The following AXDND1 variants were observed in gnomAD, a reference collection of about 807,000 sequenced individuals.
The protein encoded by AXDND1 is axonemal dynein light chain domain-containing protein 1.
In AXDND1, 110 loss-of-function variants were observed where a neutral mutation model predicts 137.5. That is an observed-to-expected ratio of 0.80 (90% CI 0.69 to 0.94). The LOEUF (loss-of-function observed/expected upper bound fraction) is 0.94, where lower values mean the gene tolerates loss of function less well. AXDND1 is among the 40% of genes least tolerant of loss of function. The pLI is 0.00. For synonymous variants in AXDND1, 414 were observed against 399.7 expected (o/e 1.04, Z -0.43); for missense variants, 1,191 against 1,169.8 (o/e 1.02, Z -0.26).
At chr1:179,413,266 TCAGGGG>T (rs1654170050) in intron 12 of AXDND1, among the ~76,000 whole-genome samples, 1 of 152,172 alleles carries the variant, frequency 6.6e-6, no homozygotes, top group African/African-American at 2.4e-5. Context: ...TATTTTAGAT[TCAGGGG>T]TACGTGTGCA....
At chr1:179,469,893 T>A (rs1663706207) in intron 17 of AXDND1, among the ~76,000 whole-genome samples, 2 of 152,216 alleles carry the variant, frequency 1.3e-5, no homozygotes, top group Admixed American at 1.3e-4. Context: ...AAGAATTCTT[T>A]GCCAAATCCA....
At chr1:179,433,948 A>C (rs1046446745) in intron 15 of AXDND1, among the ~76,000 whole-genome samples, 2 of 136,224 alleles carry the variant, frequency 1.5e-5, no homozygotes, top group African/African-American at 2.8e-5. Context: ...TAATATTGAC[A>C]GTGGGGTGTT....
intron 25 of AXDND1, chr1:179,545,916 G>C (rs970433658): frequency 1.3e-5 from 2 of 152,166 alleles, no homozygotes; most frequent in Non-Finnish European, 2.9e-5. Flanking sequence ...CATGAAAAAA[G>C]ATAATGTATT....
chr1:179,493,682 G>A (rs141377963), intron 20 of AXDND1, among the ~76,000 whole-genome samples: 240 of 152,212 alleles, frequency 1.6e-3, no homozygotes, highest in African/African-American at 5.5e-3. Context: ...ACAATAATTC[G>A]CTGTATATTT....
intron 12 of AXDND1, among the ~76,000 whole-genome samples, chr1:179,428,252 G>A (rs1656864340): frequency 6.6e-6 from 1 of 152,192 alleles, no homozygotes; most frequent in South Asian, 2.1e-4. Context: ...GAAAAAAGAA[G>A]AAAAGTGAGA....
At chr1:179,473,954 T>G (rs1376647276) in intron 17 of AXDND1, among the ~76,000 whole-genome samples, 2 of 152,200 alleles carry the variant, frequency 1.3e-5, no homozygotes. Context: ...CTGGGTGTGG[T>G]GGCTCACACC....
chr1:179,459,887 T>G (rs1376513574), intron 16 of AXDND1, among the ~76,000 whole-genome samples: 2 of 141,386 alleles, frequency 1.4e-5, no homozygotes, highest in Non-Finnish European at 3.0e-5. Flanking sequence ...CTTTTCTCTT[T>G]TCTTTTCTTT....
chr1:179,450,677 A>G (rs1285174570), intron 16 of AXDND1: 3 of 152,278 alleles, frequency 2.0e-5, no homozygotes, highest in African/African-American at 7.2e-5. Flanking sequence ...GATCAATCCT[A>G]CTTCGGGCTG....
At chr1:179,382,278 ATCAT>A (rs1487138581) in intron 6 of AXDND1, among the ~76,000 whole-genome samples, 2 of 151,554 alleles carry the variant, frequency 1.3e-5, no homozygotes, top group Admixed American at 1.3e-4. Flanking sequence ...ACGGGGCTTC[ATCAT>A]GTTGGCCAGG....
chr1:179,524,059 T>C (rs747188998), intron 21 of AXDND1, among the ~76,000 whole-genome samples: 5 of 152,236 alleles, frequency 3.3e-5, no homozygotes, highest in Non-Finnish European at 7.3e-5. Flanking sequence ...CCATGGTGTA[T>C]ATATACCACA....
At chr1:179,382,948 G>C (rs1199992688) in intron 7 of AXDND1, among the ~76,000 whole-genome samples, 192 bp downstream of exon 7, 1 of 151,770 alleles carries the variant, frequency 6.6e-6, no homozygotes, top group Non-Finnish European at 1.5e-5. Flanking sequence ...TATTTCATTT[G>C]TCTAATTGCA....
Position 179,499,630 on chromosome 1 carries a change from A to G in AXDND1, c.2388+6679A>G, listed in dbSNP as rs569879297. Among the ~76,000 whole-genome samples the G allele has an allele frequency of 1.3e-4, 20 of 152,286 alleles. No individual in the cohort carries two copies. The East Asian group carries it at 3.9e-3, about 29-fold the overall frequency. On this transcript the variant is annotated intron_variant, in intron 20 of 25. Coordinates refer to ENST00000367618, the MANE Select transcript of AXDND1 (RefSeq NM_144696.6). Reference sequence around the variant, plus strand: ...ATTATACACTTTAAATGGGTGTATCATATGTTTTTGAATACCTGACTAAAA... The same window carrying G: ...ATTATACACTTTAAATGGGTGTATCGTATGTTTTTGAATACCTGACTAAAA...
chr1:179,493,190 C>T (rs911527018), intron 20 of AXDND1, among the ~76,000 whole-genome samples: 1 of 113,986 alleles, frequency 8.8e-6, no homozygotes, highest in East Asian at 3.1e-4. Context: ...ATCTTGTCAC[C>T]AATGTCTGAT....
chr1:179,499,645 C>T (rs2125606534), intron 20 of AXDND1, among the ~76,000 whole-genome samples: 1 of 152,132 alleles, frequency 6.6e-6, no homozygotes, highest in African/African-American at 2.4e-5. Context: ...TTTTTGAATA[C>T]CTGACTAAAA....
intron 25 of AXDND1, chr1:179,551,058 G>A: frequency 3.1e-6 from 4 of 1,280,844 alleles, no homozygotes; most frequent in Non-Finnish European, 4.5e-6. Flanking sequence ...TGCATTCCAT[G>A]GCCATTCCAT....
intron 20 of AXDND1, among the ~76,000 whole-genome samples, chr1:179,494,164 C>G (rs1420245094): frequency 6.6e-6 from 1 of 152,066 alleles, no homozygotes; most frequent in Admixed American, 6.6e-5. Context: ...GTTGACCAGG[C>G]TGGTCTCAAA....
At chr1:179,472,036 C>T (rs144289852) in intron 17 of AXDND1, among the ~76,000 whole-genome samples, 4,568 of 151,856 alleles carry the variant, frequency 0.03, 251 homozygotes, top group African/African-American at 0.1. Flanking sequence ...CTGGGATTAC[C>T]GGCATGTGCC....
chr1:179,507,926 C>G (rs1437065678), intron 20 of AXDND1, among the ~76,000 whole-genome samples: 1 of 152,172 alleles, frequency 6.6e-6, no homozygotes, highest in Non-Finnish European at 1.5e-5. Context: ...CCTCTGAATC[C>G]AGAATTTAAC....
At chr1:179,497,040 T>C (rs1667512801) in intron 20 of AXDND1, among the ~76,000 whole-genome samples, 2 of 152,150 alleles carry the variant, frequency 1.3e-5, no homozygotes, top group South Asian at 4.1e-4. Context: ...TATGATTTCA[T>C]TGTAGTCAGA....
Sources: gnomAD v4.1 joint callset for allele counts (sites outside exome capture counted in the v4.1 genomes callset) on GRCh38, gnomAD v4.1.1 for gene constraint, MANE v1.5 for transcripts, NCBI Gene and HGNC (gene_info 2026-07-23, HGNC 2026-07-21) for gene names.